The following B3GALT1 variants were observed in gnomAD, a reference collection of about 807,000 sequenced individuals.
The protein encoded by B3GALT1 is UDP-Gal:betaGlcNAc beta 1,3-galactosyltransferase, polypeptide 1.
B3GALT1 carries 10 observed loss-of-function variants against 23.2 expected under a neutral mutation model. That is an observed-to-expected ratio of 0.43 (90% CI 0.27 to 0.73). B3GALT1 has a LOEUF of 0.73. B3GALT1 is among the 30% of genes least tolerant of loss of function. The pLI is 0.21. For missense variants in B3GALT1, 299 were observed against 405.4 expected (o/e 0.74, Z 2.25); for synonymous variants, 156 against 141.5 (o/e 1.10, Z -0.73).
At chr2:167,307,753 C>G (rs1024425164) in intron 1 of B3GALT1, among the ~76,000 whole-genome samples, 2 of 151,948 alleles carry the variant, frequency 1.3e-5, no homozygotes, top group African/African-American at 4.8e-5. Flanking sequence ...CTTCCAAGAT[C>G]TTCCCTTCCC....
intron 3 of B3GALT1, among the ~76,000 whole-genome samples, chr2:167,771,943 G>T (rs539513663): frequency 6.6e-6 from 1 of 152,200 alleles, no homozygotes; most frequent in African/African-American, 2.4e-5. Flanking sequence ...CAGACTGGGG[G>T]AGAATGGTTC....
chr2:167,609,530 AGTTC>A (rs1685022634), intron 2 of B3GALT1, among the ~76,000 whole-genome samples: 1 of 152,068 alleles, frequency 6.6e-6, no homozygotes, highest in African/African-American at 2.4e-5. Flanking sequence ...TCCTGAGGCT[AGTTC>A]CCCTGTGATT....
intron 3 of B3GALT1, among the ~76,000 whole-genome samples, chr2:167,741,487 T>C (rs185098062): frequency 6.6e-5 from 10 of 152,218 alleles, no homozygotes; most frequent in African/African-American, 2.4e-4. Flanking sequence ...CCATCACAGG[T>C]GTAGGAGATA....
chr2:167,863,746 A>G (rs2105435090), intron 4 of B3GALT1, among the ~76,000 whole-genome samples: 1 of 152,306 alleles, frequency 6.6e-6, no homozygotes, highest in Non-Finnish European at 1.5e-5. Flanking sequence ...GGTTATAAGC[A>G]AAAAGGCTAT....
At chr2:167,679,543 T>C (rs1332011059) in intron 3 of B3GALT1, among the ~76,000 whole-genome samples, 1 of 152,236 alleles carries the variant, frequency 6.6e-6, no homozygotes, top group Non-Finnish European at 1.5e-5. Flanking sequence ...CGTGAGCTAC[T>C]GCACCTGGTT....
intron 4 of B3GALT1, among the ~76,000 whole-genome samples, chr2:167,867,077 C>T: frequency 6.6e-6 from 1 of 152,154 alleles, no homozygotes; most frequent in Non-Finnish European, 1.5e-5. Flanking sequence ...CAGGCACCCG[C>T]CACTACGCCT....
chr2:167,420,231 A>C (rs1411015399), intron 1 of B3GALT1, among the ~76,000 whole-genome samples: 1 of 152,216 alleles, frequency 6.6e-6, no homozygotes, highest in East Asian at 1.9e-4. Context: ...TTCAAATGAC[A>C]GGATTAGTAA....
chr2:167,714,800 C>A lies in B3GALT1; in HGVS notation c.-352+67834C>A, dbSNP rs1687118227. 11 of 1,612,612 alleles carry A rather than the reference C, an allele frequency of 6.8e-6. No individual in the cohort carries two copies. In the Admixed American group the frequency reaches 1.8e-4, roughly 27 times the overall value. ...GGTCTCCAGCTCTTCAGTGACATGG[C>A]TGATCTTTTCTTCCACTTTAGAAAG... On this transcript the variant is annotated intron_variant, in intron 3 of 4. Transcript: ENST00000392690.
intron 3 of B3GALT1, among the ~76,000 whole-genome samples, chr2:167,733,274 A>G (rs892503217): frequency 4.0e-5 from 6 of 151,024 alleles, no homozygotes; most frequent in African/African-American, 1.4e-4. Flanking sequence ...CTTAACCATT[A>G]TGATACCTAC....
intron 3 of B3GALT1, among the ~76,000 whole-genome samples, chr2:167,704,942 AAGAG>A (rs139714667): frequency 0.02 from 3,088 of 152,224 alleles, 92 homozygotes; most frequent in African/African-American, 0.07. Context: ...GAGGGAGAGA[AAGAG>A]AGAAAGTTTG....
At position 167,663,721 on chromosome 2, in the gene B3GALT1, G is replaced by A. The variant is rs893972847; in HGVS notation, c.-352+16755G>A. Among the ~76,000 whole-genome samples the A allele has an allele frequency of 1.1e-4, 17 of 152,024 alleles. No homozygotes were observed. The East Asian group carries it at 2.9e-3, about 26-fold the overall frequency. On this transcript the variant is annotated intron_variant, in intron 3 of 4. Coordinates refer to ENST00000392690, the MANE Select transcript of B3GALT1 (RefSeq NM_020981.4). The stretch of plus-strand genomic sequence containing the variant: ...TTTCTCTGATGGCCAGTGATGGTGA[G>A]CATTTTTTCATGTGTTTTTTGGCTG...
intron 3 of B3GALT1, among the ~76,000 whole-genome samples, chr2:167,790,625 C>G (rs1486413107): frequency 6.6e-6 from 1 of 152,186 alleles, no homozygotes; most frequent in African/African-American, 2.4e-5. Flanking sequence ...TCCCTCCTAT[C>G]TCTTCTTCAA....
chr2:167,712,244 A>G (rs1687073615), intron 3 of B3GALT1, among the ~76,000 whole-genome samples: 1 of 152,154 alleles, frequency 6.6e-6, no homozygotes, highest in Non-Finnish European at 1.5e-5. Context: ...AATTTAACCT[A>G]CTACTGTATT....
intron 3 of B3GALT1, among the ~76,000 whole-genome samples, chr2:167,776,147 C>T (rs1688158652): frequency 6.6e-6 from 1 of 152,012 alleles, no homozygotes; most frequent in African/African-American, 2.4e-5. Flanking sequence ...CAGTACCCAG[C>T]GCTTGTAGAC....
intron 3 of B3GALT1, among the ~76,000 whole-genome samples, chr2:167,667,254 T>A (rs1558942604): frequency 1.3e-5 from 2 of 152,214 alleles, no homozygotes; most frequent in Non-Finnish European, 2.9e-5. Flanking sequence ...AAAATTCTTT[T>A]CTTTAAGAAT....
At chr2:167,561,548 T>C (rs920477018) in intron 2 of B3GALT1, among the ~76,000 whole-genome samples, 13 of 151,852 alleles carry the variant, frequency 8.6e-5, no homozygotes, top group African/African-American at 1.9e-4. Flanking sequence ...ACAAAATTGA[T>C]AGACCGCTAG....
chr2:167,679,738 A>G (rs1013180925), intron 3 of B3GALT1, among the ~76,000 whole-genome samples: 2 of 152,240 alleles, frequency 1.3e-5, no homozygotes, highest in Non-Finnish European at 2.9e-5. Context: ...ATTTTCTCAC[A>G]TGTAAAAGTG....
chr2:167,430,608 A>G (rs915888378), intron 1 of B3GALT1, among the ~76,000 whole-genome samples: 1 of 134,566 alleles, frequency 7.4e-6, no homozygotes, highest in African/African-American at 2.6e-5. Context: ...GCTGTGATGA[A>G]GGATTCCATG....
chr2:167,616,430 C>T (rs1852903), intron 2 of B3GALT1, among the ~76,000 whole-genome samples: 107,127 of 151,894 alleles, frequency 0.71, 38,966 homozygotes, highest in Admixed American at 0.82. Flanking sequence ...AGGCCAGGCA[C>T]GGTGGCTCAC....
Sources: gnomAD v4.1 joint callset for allele counts (sites outside exome capture counted in the v4.1 genomes callset) on GRCh38, gnomAD v4.1.1 for gene constraint, MANE v1.5 for transcripts, NCBI Gene and HGNC (gene_info 2026-07-23, HGNC 2026-07-21) for gene names.